Variants in AP1B1 observed in about 807,000 individuals in gnomAD.
AP1B1 encodes AP-1 complex subunit beta-1.
In AP1B1, 36 loss-of-function variants were observed where a neutral mutation model predicts 104.3. That is an observed-to-expected ratio of 0.35 (90% CI 0.26 to 0.46). The LOEUF (loss-of-function observed/expected upper bound fraction) is 0.46, where lower values mean the gene tolerates loss of function less well. AP1B1 is among the 20% of genes least tolerant of loss of function. The pLI is 1.00. For missense variants in AP1B1, 901 were observed against 1,247.9 expected, an observed-to-expected ratio of 0.72 and a Z score of 4.19; for synonymous variants, 504 against 517.5, an observed-to-expected ratio of 0.97 and a Z score of 0.35.
intron 14 of AP1B1, among the ~76,000 whole-genome samples, chr22:29,340,073 C>T (rs950310998): frequency 9.2e-5 from 14 of 152,132 alleles, no homozygotes; most frequent in Non-Finnish European, 1.3e-4. Flanking sequence ...GGACCTGAGC[C>T]GAGCACAGCC....
chr22:29,330,785 T>C, intron 19 of AP1B1, 76 bp from the exon 20 acceptor site: 2 of 1,309,460 alleles, frequency 1.5e-6, no homozygotes, highest in Non-Finnish European at 2.1e-6. Context: ...CAGCAGGAAA[T>C]GGGTCTGGCC....
chr22:29,359,385 G>T (rs1337369842), intron 4 of AP1B1, among the ~76,000 whole-genome samples: 1 of 152,148 alleles, frequency 6.6e-6, no homozygotes, highest in Non-Finnish European at 1.5e-5. Flanking sequence ...GGGAGCTAAG[G>T]TTCTAAAGGT....
intron 11 of AP1B1, among the ~76,000 whole-genome samples, chr22:29,345,366 T>C (rs2061776544): frequency 2.1e-5 from 3 of 144,636 alleles, no homozygotes; most frequent in African/African-American, 7.8e-5. Context: ...TAACAAGTTT[T>C]GTTTTGTTTT....
chr22:29,346,393 T>C (rs904332439), intron 11 of AP1B1, among the ~76,000 whole-genome samples: 1 of 152,140 alleles, frequency 6.6e-6, no homozygotes, highest in African/African-American at 2.4e-5. Flanking sequence ...TTTCCACAGA[T>C]AGGGGATGCG....
chr22:29,383,790 T>C (rs1269015450), intron 1 of AP1B1, among the ~76,000 whole-genome samples: 1 of 150,958 alleles, frequency 6.6e-6, no homozygotes, highest in Non-Finnish European at 1.5e-5. Flanking sequence ...GGTGGTAACC[T>C]GGGGGATCAG....
intron 1 of AP1B1, among the ~76,000 whole-genome samples, chr22:29,378,616 T>C (rs2062385852): frequency 6.8e-6 from 1 of 147,160 alleles, no homozygotes; most frequent in Non-Finnish European, 1.5e-5. Context: ...TCCCAGCACT[T>C]TGGGAGGCCG....
At chr22:29,332,197 C>A in intron 17 of AP1B1, 1 of 333,356 alleles carries the variant, frequency 3.0e-6, no homozygotes, top group Non-Finnish European at 5.5e-6. Flanking sequence ...CTGGGCCAGG[C>A]ACTGGTGGGC....
rs1268092611 is a variant in AP1B1 at position 29,357,120 on chromosome 22, G to C, written c.526-504C>G. On this transcript the variant is annotated intron_variant, in intron 5 of 22. Coordinates refer to ENST00000357586, the MANE Select transcript of AP1B1 (RefSeq NM_001127.4). ...GCTCTGTCGCCCAGGTTGCAGTGCA[G>C]TGGTGTGATCTCAGCTCACTGCAAC... is the stretch of plus-strand genomic sequence containing the variant. Among the ~76,000 whole-genome samples, 3 of 151,372 alleles carry C rather than the reference G, an allele frequency of 2.0e-5. No homozygotes were observed. The East Asian group carries it at 5.8e-4, about 29-fold the overall frequency.
chr22:29,357,510 C>A (rs902667053), intron 5 of AP1B1, among the ~76,000 whole-genome samples: 1 of 152,078 alleles, frequency 6.6e-6, no homozygotes, highest in African/African-American at 2.4e-5. Flanking sequence ...AGATTACAGG[C>A]ACGCACCACC....
chr22:29,369,118 C>T, intron 1 of AP1B1, among the ~76,000 whole-genome samples: 1 of 152,114 alleles, frequency 6.6e-6, no homozygotes, highest in East Asian at 1.9e-4. Context: ...CCACCAATAT[C>T]TCCTTTCAAG....
intron 1 of AP1B1, among the ~76,000 whole-genome samples, chr22:29,369,932 C>T (rs1390561573): frequency 1.4e-5 from 2 of 147,744 alleles, no homozygotes; most frequent in African/African-American, 5.1e-5. Context: ...TGAAAATGGG[C>T]AGGTAAATCA....
chr22:29,360,324 G>C (rs1473975028), intron 3 of AP1B1, among the ~76,000 whole-genome samples: 2 of 152,236 alleles, frequency 1.3e-5, no homozygotes, highest in South Asian at 2.1e-4. Flanking sequence ...CAAGAAAGAC[G>C]CAACAGAAAC....
chr22:29,334,670 C>T (rs375121165), intron 16 of AP1B1, among the ~76,000 whole-genome samples: 90 of 152,282 alleles, frequency 5.9e-4, no homozygotes, highest in African/African-American at 2.1e-3. Flanking sequence ...CCAGGGCTGA[C>T]GTTGAGTCCT....
At chr22:29,343,038 CT>C (rs1438953191) in intron 11 of AP1B1, among the ~76,000 whole-genome samples, 4 of 152,138 alleles carry the variant, frequency 2.6e-5, no homozygotes, top group Middle Eastern at 3.2e-3. Flanking sequence ...AGTGAGCCCC[CT>C]GTGGGCTGGA....
chr22:29,340,978 AG>A, intron 13 of AP1B1, 121 bp from the exon 14 acceptor site: 1 of 992,098 alleles, frequency 1.0e-6, no homozygotes, highest in Non-Finnish European at 1.5e-6. Flanking sequence ...TGTCCCCGAC[AG>A]GGCTGTCCAC....
intron 11 of AP1B1, among the ~76,000 whole-genome samples, chr22:29,348,012 G>GT (rs1353888798): frequency 6.6e-6 from 1 of 152,252 alleles, no homozygotes; most frequent in African/African-American, 2.4e-5. Context: ...CTTTGCAGGT[G>GT]TTGGTAACAG....
chr22:29,335,719 C>T (rs2061628466), intron 16 of AP1B1, among the ~76,000 whole-genome samples: 1 of 152,210 alleles, frequency 6.6e-6, no homozygotes, highest in South Asian at 2.1e-4. Context: ...TGCCCATCTG[C>T]TCCCCAGGCT....
chr22:29,375,140 G>A (rs1569166094), intron 1 of AP1B1, among the ~76,000 whole-genome samples: 2 of 152,128 alleles, frequency 1.3e-5, no homozygotes, highest in South Asian at 2.1e-4. Context: ...CACAAGGTCA[G>A]GAGTTCGAGA....
chr22:29,379,847 G>A (rs1376581519), intron 1 of AP1B1, among the ~76,000 whole-genome samples: 1 of 152,194 alleles, frequency 6.6e-6, no homozygotes, highest in Non-Finnish European at 1.5e-5. Flanking sequence ...ACTAGCTGGG[G>A]AACGGCTTCT....
Sources: gnomAD v4.1 joint callset for allele counts (sites outside exome capture counted in the v4.1 genomes callset) on GRCh38, gnomAD v4.1.1 for gene constraint, MANE v1.5 for transcripts, NCBI Gene and HGNC (gene_info 2026-07-23, HGNC 2026-07-21) for gene names.